Variants in AGO1 observed in about 807,000 individuals in gnomAD.
The protein encoded by AGO1 is protein argonaute-1.
A neutral mutation model predicts 109.2 loss-of-function variants in AGO1; 11 were observed. The observed-to-expected ratio is 0.10, with a 90% CI of 0.06 to 0.17. The LOEUF (loss-of-function observed/expected upper bound fraction) is 0.17. Ranked by LOEUF, AGO1 falls within the 10% of genes least tolerant of loss-of-function variation. The pLI, the probability that AGO1 is intolerant of heterozygous loss-of-function variation, is 1.00. For missense variants in AGO1, 574 were observed against 1,140.3 expected, an observed-to-expected ratio of 0.50 and a Z score of 7.15; for synonymous variants, 422 against 418.6, an observed-to-expected ratio of 1.01 and a Z score of -0.10.
rs139979804 is a variant in AGO1 at position 35,874,732 on chromosome 1, A to G, written c.-201+4829A>G. Among the ~76,000 whole-genome samples, 325 of 152,362 alleles carry G rather than the reference A, an allele frequency of 2.1e-3. 1 individual carries two copies. Among genetic ancestry groups the G allele is most frequent in the Non-Finnish European group, 3.8e-3 (259 of 68,030 alleles). ...AAAGTTAGGCCTGTTGCACTGCACA[A>G]CTAACCAAATTGTCAATGCAAAGGA... On this transcript the variant is annotated intron_variant, in intron 1 of 18. Coordinates refer to the AGO1 transcript ENST00000373206.
In AGO1 at chr1:35,888,731, G is replaced by A. The variant is rs1016426667; in HGVS notation, c.209+121G>A. ...ACCAAATCTAAGGAAGTTTTTGAACGGGAGATGCCACGTCGGGTAAATGCT... is the reference window on the plus strand; with the variant it reads ...ACCAAATCTAAGGAAGTTTTTGAACAGGAGATGCCACGTCGGGTAAATGCT... On this transcript the variant is annotated intron_variant, in intron 2 of 18. Transcript: ENST00000373204. This position sits in a 1 kb window ranked among gnomAD's most constrained non-coding sequence, Gnocchi z 4.1. 1.7e-5 allele frequency: 19 copies of A among 1,086,178 alleles called. No homozygotes were observed. Among genetic ancestry groups the A allele is most frequent in the Non-Finnish European group, 2.5e-5 (19 of 769,142 alleles). 67.3% of individuals were successfully genotyped at this position (1,086,178 alleles called of 1,614,324 possible). A position where few individuals can be genotyped will look rare whatever the true frequency, so the allele number is the denominator to read the frequency against.
chr1:35,902,429 A>G, intron 11 of AGO1, 92 bp downstream of exon 11: 15 of 1,504,722 alleles, frequency 1.0e-5, no homozygotes, highest in Non-Finnish European at 1.3e-5. Context: ...ATTGATCAGT[A>G]ATGTGTTCTG....
chr1:35,893,176 G>A lies in AGO1; in HGVS notation c.410G>A (p.Ser137Asn). ...KVSIKWLAIV[S>N]WRMLHEALVS... ...TCCATCAAGTGGCTAGCCATTGTGA[G>A]CTGGCGAATGCTGCATGAGGCCCTG... The change falls in exon 4 of 19, where the codon AGC becomes AAC. Residue 137 changes from serine (S) to asparagine (N), a missense_variant. Transcript: ENST00000373204. This position sits in a 1 kb window ranked among gnomAD's most constrained non-coding sequence, Gnocchi z 5.6. The A allele has an allele frequency of 6.2e-7, 1 of 1,614,122 alleles. No homozygotes were observed. Among genetic ancestry groups the A allele is most frequent in the South Asian group, 1.1e-5 (1 of 91,078 alleles).
At chr1:35,884,430 A>G (rs1645087193) in intron 1 of AGO1, among the ~76,000 whole-genome samples, 1 of 152,130 alleles carries the variant, frequency 6.6e-6, no homozygotes, top group African/African-American at 2.4e-5. Context: ...TTCTGCTCCA[A>G]TACTGAGTAG....
At chr1:35,910,980 T>C (rs1052382102) in intron 12 of AGO1, among the ~76,000 whole-genome samples, 9 of 152,078 alleles carry the variant, frequency 5.9e-5, no homozygotes, top group African/African-American at 2.2e-4. Context: ...GCCGGAGAAT[T>C]GCTTGAACCC....
Position 35,925,325 on chromosome 1 carries a change from A to G in AGO1, c.*5718A>G, listed in dbSNP as rs1226766659. ...TGGAAAAACCAATTCTAAAATGGCT[A>G]AAACTAGGACTTTCAAGTTCACCAC... On this transcript the variant is annotated 3_prime_UTR_variant, in exon 19 of 19. Coordinates refer to ENST00000373204, the MANE Select transcript of AGO1 (RefSeq NM_012199.5). 1.3e-5 allele frequency: 2 copies of G among 151,280 alleles called. No homozygotes were observed. Among genetic ancestry groups the G allele is most frequent in the African/African-American group, 2.4e-5 (1 of 41,010 alleles). The allele number at this position is 151,280 out of a possible 1,614,324, so 9.4% of individuals were successfully genotyped here.
rs144915813 is a variant in AGO1 at position 35,923,200 on chromosome 1, C to T, written c.*3593C>T. Reference sequence around the variant, plus strand: ...GAAGAAGGTACCTAGAAATTTGAAACTTCCCTAAAAAGCTCCTAATGCCCA... The same window carrying T: ...GAAGAAGGTACCTAGAAATTTGAAATTTCCCTAAAAAGCTCCTAATGCCCA... On this transcript the variant is annotated 3_prime_UTR_variant, in exon 19 of 19. Transcript: ENST00000373204. 1.2e-3 allele frequency: 185 copies of T among 152,326 alleles called. 1 individual carries two copies. Among genetic ancestry groups the T allele is most frequent in the African/African-American group, 4.4e-3 (184 of 41,556 alleles). 9.4% of individuals were successfully genotyped at this position (152,326 alleles called of 1,614,324 possible). A position where few individuals can be genotyped will look rare whatever the true frequency, so the allele number is the denominator to read the frequency against.
intron 2 of AGO1, 119 bp from the exon 3 acceptor site, chr1:35,892,438 T>C: frequency 7.7e-7 from 1 of 1,306,028 alleles, no homozygotes; most frequent in South Asian, 1.3e-5. Flanking sequence ...AGCACTGTCA[T>C]AGAGTAGATG....
At position 35,893,742 on chromosome 1, in the gene AGO1, G is replaced by T; in HGVS notation, c.581G>T (p.Arg194Leu). 1 of 1,613,954 alleles carries T rather than the reference G, an allele frequency of 6.2e-7. No individual in the cohort carries two copies. Among genetic ancestry groups the T allele is most frequent in the Non-Finnish European group, 8.5e-7 (1 of 1,179,940 alleles). Residue 194 changes from arginine to leucine, a missense_variant, in exon 5 of 19, where the codon CGC (arginine) becomes CTC (leucine). By Grantham distance (102) the Arg-to-Leu change is moderately radical. This residue lies in a region of AGO1 where 129 missense variants were observed against 243.0 expected (regional missense o/e 0.53). Transcript: ENST00000373204. The surrounding 1 kb of genome is among the most constrained non-coding windows in gnomAD (Gnocchi z 5.6). ...EGYYHPLGGG[R>L]EVWFGFHQSV... ...TACTACCACCCGCTGGGGGGTGGGC[G>T]CGAGGTCTGGTTCGGCTTTCACCAG...
upstream of AGO1, chr1:35,883,137 C>T: frequency 9.0e-7 from 1 of 1,113,174 alleles, no homozygotes; most frequent in Non-Finnish European, 1.1e-6. This position sits in a 1 kb window ranked among gnomAD's most constrained non-coding sequence, Gnocchi z 5.4. Flanking sequence ...CTCCATTGGC[C>T]TTTGTTGCCG....
chr1:35,914,337 C>G, intron 14 of AGO1, 63 bp downstream of exon 14: 2 of 1,335,026 alleles, frequency 1.5e-6, no homozygotes, highest in South Asian at 2.4e-5. Context: ...CTCAAAACTG[C>G]CCATGATTTC....
intron 1 of AGO1, among the ~76,000 whole-genome samples, chr1:35,876,387 T>C (rs993929390): frequency 1.3e-5 from 2 of 151,628 alleles, no homozygotes; most frequent in African/African-American, 2.4e-5. Flanking sequence ...CTGCCTCAGC[T>C]TCCCGAGTAG....
intron 1 of AGO1, among the ~76,000 whole-genome samples, chr1:35,887,348 C>T (rs963719174): frequency 1.3e-5 from 2 of 152,194 alleles, no homozygotes; most frequent in African/African-American, 2.4e-5. Flanking sequence ...TAGTTCTCTA[C>T]TGCCAAGAAC....
chr1:35,900,080 G>C (rs1427734733), intron 8 of AGO1, among the ~76,000 whole-genome samples: 1 of 152,122 alleles, frequency 6.6e-6, no homozygotes, highest in Non-Finnish European at 1.5e-5. Context: ...GTTGTTTTCT[G>C]TTGGGCCCAG....
rs1350343925 is a variant in AGO1, at chr1:35,929,156, A to G, written c.*9549A>G. 1.3e-5 allele frequency: 2 copies of G among 152,256 alleles called. No individual in the cohort carries two copies. The highest frequency in any genetic ancestry group is 2.9e-5 in the Non-Finnish European group (2 of 68,058). 9.4% of individuals were successfully genotyped at this position (152,256 alleles called of 1,614,324 possible). On this transcript the variant is annotated 3_prime_UTR_variant, in exon 19 of 19. Coordinates refer to ENST00000373204, the MANE Select transcript of AGO1 (RefSeq NM_012199.5). ...GACTCAGTTGGGAATGAGTTATCCAAATATAGGGTGTACATGTAGTCAGGA... is the reference window on the plus strand; with the variant it reads ...GACTCAGTTGGGAATGAGTTATCCAGATATAGGGTGTACATGTAGTCAGGA...
At chr1:35,894,964 T>G (rs144274430) in intron 7 of AGO1, among the ~76,000 whole-genome samples, 158 bp from the exon 8 acceptor site, 1 of 152,252 alleles carries the variant, frequency 6.6e-6, no homozygotes, top group East Asian at 1.9e-4. Context: ...CTCAAAGAAG[T>G]TGGATAGGAT....
chr1:35,914,136 T>C, intron 13 of AGO1, 48 bp from the exon 14 acceptor site: 1 of 1,601,530 alleles, frequency 6.2e-7, no homozygotes, highest in Admixed American at 1.7e-5. Flanking sequence ...TGGTGCCAGC[T>C]AGAGAAGACC....
In AGO1 at chr1:35,911,184, A is replaced by G. The variant is rs117687778; in HGVS notation, c.1583-2658A>G. ...GAGTGGATTTTAAGTATACCAATTT[A>G]TCCTTTCACCAGCAGTGTATAAGAG... is the stretch of plus-strand genomic sequence containing the variant. On this transcript the variant is annotated intron_variant, in intron 12 of 18. Transcript: ENST00000373204. 2.9e-4 allele frequency among the ~76,000 whole-genome samples: 44 copies of G among 152,318 alleles called. No individual in the cohort carries two copies. In the East Asian group the frequency reaches 8.5e-3, roughly 29 times the overall value.
At position 35,919,222 on chromosome 1, in the gene AGO1, A is replaced by G. The variant is rs1425163970; in HGVS notation, c.2433A>G (p.Ala811=). Residue 811 remains alanine, a synonymous_variant, in exon 18 of 19, where the codon GCA becomes GCG. Transcript: ENST00000373204. This position sits in a 1 kb window ranked among gnomAD's most constrained non-coding sequence, Gnocchi z 6.6. ...AYYARLVAFR[A]RYHLVDKEHD... The stretch of plus-strand genomic sequence containing the variant: ...ATGCCCGCCTGGTGGCTTTCCGGGC[A>G]CGATACCACCTGGTGGACAAGGAGC... 1 of 1,613,950 alleles carries G rather than the reference A, an allele frequency of 6.2e-7. No homozygotes were observed. Among genetic ancestry groups the G allele is most frequent in the Non-Finnish European group, 8.5e-7 (1 of 1,180,000 alleles).
Sources: allele counts gnomAD v4.1 joint callset (sites outside exome capture counted in the v4.1 genomes callset), GRCh38; gene constraint gnomAD v4.1.1; regional missense constraint gnomAD v4.1.1; non-coding constraint Gnocchi (gnomAD v3.1); transcripts MANE v1.5; gene names NCBI Gene and HGNC (gene_info 2026-07-23, HGNC 2026-07-21).